C10orf67: variants seen among roughly 807,000 people sequenced by gnomAD.
C10orf67 encodes uncharacterized protein C10orf67, mitochondrial.
Under a neutral mutation model 35.6 loss-of-function variants are expected in C10orf67, and 60 were observed. The observed-to-expected ratio is 1.68, with a 90% CI of 1.37 to 2.09. C10orf67 has a LOEUF of 2.09. Among genes scored for constraint, C10orf67 ranks in the 30% most tolerant of loss-of-function variants. The probability of loss-of-function intolerance (pLI) is 0.00; values close to 1 mark genes in which losing one functional copy is unlikely to be tolerated. For synonymous variants in C10orf67, 167 were observed against 115.8 expected, an observed-to-expected ratio of 1.44 and a Z score of -2.84; for missense variants, 474 against 330.2, an observed-to-expected ratio of 1.44 and a Z score of -3.38.
intron 10 of C10orf67, among the ~76,000 whole-genome samples, chr10:23,252,671 G>A (rs577354490): frequency 6.6e-6 from 1 of 152,350 alleles, no homozygotes; most frequent in Admixed American, 6.5e-5. Flanking sequence ...GATGGAGAAT[G>A]ATTCTATTCA....
Position 23,274,643 on chromosome 10 carries a change from C to T in C10orf67, c.975+7370G>A, listed in dbSNP as rs185847946. Among the ~76,000 whole-genome samples, 704 of 152,110 alleles carry T rather than the reference C, an allele frequency of 4.6e-3. 5 individuals carry two copies. Among genetic ancestry groups the T allele is most frequent in the African/African-American group, 0.016 (677 of 41,464 alleles). On this transcript the variant is annotated intron_variant, in intron 8 of 15. Transcript: ENST00000636213. ...CCCTGAAAATCACTGTTATCCTGTTCTTTTTCAGGGTGCACTGATTTTATA... is the reference window on the plus strand; with the variant it reads ...CCCTGAAAATCACTGTTATCCTGTTTTTTTTCAGGGTGCACTGATTTTATA...
At chr10:23,317,675 A>G (rs1344506587) in intron 4 of C10orf67, 2 of 152,198 alleles carry the variant, frequency 1.3e-5, no homozygotes, top group African/African-American at 4.8e-5. Context: ...TCTATAGAAA[A>G]CTTATTAAAA....
chr10:23,344,010 G>A (rs1385941883), intron 1 of C10orf67: 7 of 421,072 alleles, frequency 1.7e-5, no homozygotes, highest in Non-Finnish European at 3.0e-5. Context: ...TTGCAGCCCC[G>A]GACGTGCGCC....
intron 12 of C10orf67, among the ~76,000 whole-genome samples, chr10:23,249,565 T>G (rs956231564): frequency 2.6e-5 from 4 of 152,240 alleles, no homozygotes; most frequent in African/African-American, 9.6e-5. Flanking sequence ...TTGGCATGGA[T>G]TCTTTGTGCC....
chr10:23,206,265 G>A lies in C10orf67; in HGVS notation c.1571-2010C>T, dbSNP rs928443576. On this transcript the variant is annotated intron_variant, in intron 15 of 15. Transcript: ENST00000636213. The stretch of plus-strand genomic sequence containing the variant: ...TAGCAGTACAGAAACTGAAAGGATG[G>A]TCATCCAATGGAAATTTCTTTCCTT... 3.9e-5 allele frequency among the ~76,000 whole-genome samples: 6 copies of A among 152,192 alleles called. No individual in the cohort carries two copies. In the South Asian group the frequency reaches 8.3e-4, roughly 21 times the overall value.
chr10:23,266,010 A>C lies in C10orf67; in HGVS notation c.1200+252T>G, dbSNP rs148794516. Among the ~76,000 whole-genome samples the C allele has an allele frequency of 1.6e-3, 241 of 152,302 alleles. 1 individual carries two copies. Among genetic ancestry groups the C allele is most frequent in the African/African-American group, 5.2e-3 (217 of 41,586 alleles). On this transcript the variant is annotated intron_variant, in intron 10 of 15. Coordinates refer to ENST00000636213, the MANE Select transcript of C10orf67 (RefSeq NM_001371909.1). Reference sequence around the variant, plus strand: ...TGTAGCTTCTCTATTTTGGTAATTAAATAGAGACCCACTGGTGCTTAGTGA... The same window carrying C: ...TGTAGCTTCTCTATTTTGGTAATTACATAGAGACCCACTGGTGCTTAGTGA...
chr10:23,233,021 A>G (rs111604881), intron 13 of C10orf67, among the ~76,000 whole-genome samples: 189 of 152,222 alleles, frequency 1.2e-3, no homozygotes, highest in African/African-American at 4.4e-3. Context: ...GCCAAGTGTG[A>G]TGGTGCACAC....
In C10orf67 at chr10:23,282,441, A is replaced by G. The variant is rs545279578; in HGVS notation, c.910-363T>C. On this transcript the variant is annotated intron_variant, in intron 7 of 15. Transcript: ENST00000636213. ...TATGTCTATGTGCATATCAAACCAC[A>G]TTTATGCCAATTGAAAATAGCTATC... 3.3e-5 allele frequency among the ~76,000 whole-genome samples: 5 copies of G among 152,294 alleles called. 1 individual carries two copies. The highest frequency in any genetic ancestry group is 1.2e-4 in the African/African-American group (5 of 41,564).
chr10:23,275,023 G>T (rs1588640406), intron 8 of C10orf67, among the ~76,000 whole-genome samples: 1 of 152,150 alleles, frequency 6.6e-6, no homozygotes, highest in African/African-American at 2.4e-5. Flanking sequence ...CACACAGGTG[G>T]TTCCTTATTT....
At position 23,205,048 on chromosome 10, in the gene C10orf67, G is replaced by A. The variant is rs188732444; in HGVS notation, c.1571-793C>T. Among the ~76,000 whole-genome samples the A allele has an allele frequency of 9.2e-5, 14 of 152,300 alleles. 1 individual carries two copies. Among genetic ancestry groups the A allele is most frequent in the Non-Finnish European group, 2.1e-4 (14 of 68,032 alleles). ...CAGTGGGAGAGGGGAACACAGAGGA[G>A]CCAGGCTGTCATTCCAAGGCTTAAC... is the stretch of plus-strand genomic sequence containing the variant. On this transcript the variant is annotated intron_variant, in intron 15 of 15. Transcript: ENST00000636213.
intron 2 of C10orf67, among the ~76,000 whole-genome samples, chr10:23,326,576 ATATC>A (rs1476399765): frequency 2.0e-5 from 3 of 152,174 alleles, no homozygotes; most frequent in African/African-American, 7.2e-5. Flanking sequence ...GAAATTGTAA[ATATC>A]TAGGTACATA....
At chr10:23,278,119 G>A (rs149146131) in intron 8 of C10orf67, among the ~76,000 whole-genome samples, 142 of 152,264 alleles carry the variant, frequency 9.3e-4, no homozygotes, top group African/African-American at 3.3e-3. Flanking sequence ...CCTCCCATGA[G>A]GCCCCCACTC....
At chr10:23,281,100 G>A (rs930630375) in intron 8 of C10orf67, among the ~76,000 whole-genome samples, 32 of 152,116 alleles carry the variant, frequency 2.1e-4, no homozygotes, top group Admixed American at 6.6e-5. Context: ...TGGTTTTTGC[G>A]AATCGCCAAC....
intron 13 of C10orf67, among the ~76,000 whole-genome samples, chr10:23,225,448 GAA>G (rs1365715509): frequency 6.6e-5 from 10 of 152,170 alleles, no homozygotes; most frequent in African/African-American, 2.2e-4. Flanking sequence ...AGGCTAGGAA[GAA>G]ACTGCATCAA....
At chr10:23,323,952 T>TATTATATATATATATATATATATATATAC (rs1564513730) in intron 2 of C10orf67, among the ~76,000 whole-genome samples, 1 of 64,688 alleles carries the variant, frequency 1.5e-5, no homozygotes, top group African/African-American at 5.4e-5. Context: ...TATATATATA[T>TATTATATATATATATATATATATATATAC]ACACACACAC....
chr10:23,290,142 C>T (rs1196544163), intron 6 of C10orf67, among the ~76,000 whole-genome samples, 184 bp from the exon 7 acceptor site: 1 of 152,138 alleles, frequency 6.6e-6, no homozygotes. Context: ...TTCAGATGGC[C>T]GGTCAGATAG....
At chr10:23,211,498 A>G (rs527819692) in intron 15 of C10orf67, among the ~76,000 whole-genome samples, 135 of 146,958 alleles carry the variant, frequency 9.2e-4, no homozygotes, top group African/African-American at 2.7e-3. Context: ...GGGTATCACA[A>G]TTCAACCCGT....
At chr10:23,247,076 A>G (rs1484938522) in intron 12 of C10orf67, among the ~76,000 whole-genome samples, 3 of 152,218 alleles carry the variant, frequency 2.0e-5, no homozygotes, top group Admixed American at 6.5e-5. Context: ...TAGAGAGTTT[A>G]TAAAGTAAAA....
intron 4 of C10orf67, among the ~76,000 whole-genome samples, chr10:23,312,327 T>G (rs1312475372): frequency 1.3e-5 from 2 of 152,182 alleles, no homozygotes; most frequent in Non-Finnish European, 2.9e-5. Context: ...GATGCATGGA[T>G]TTTCCCAGAT....
Sources: gnomAD v4.1 joint callset for allele counts (sites outside exome capture counted in the v4.1 genomes callset) on GRCh38, gnomAD v4.1.1 for gene constraint, MANE v1.5 for transcripts, NCBI Gene and HGNC (gene_info 2026-07-23, HGNC 2026-07-21) for gene names.